MRTFA: variants seen among roughly 807,000 people sequenced by gnomAD.
The protein encoded by MRTFA is myocardin related transcription factor A.
In MRTFA, 20 loss-of-function variants were observed where a neutral mutation model predicts 83.5. The ratio of observed to expected loss-of-function variants is 0.24; its 90% CI spans 0.17 to 0.35. The LOEUF (loss-of-function observed/expected upper bound fraction) is 0.35, where lower values mean the gene tolerates loss of function less well. Ranked by LOEUF, MRTFA falls within the 10% of genes least tolerant of loss-of-function variation. MRTFA has a pLI of 1.00. For missense variants in MRTFA, 1,200 were observed against 1,224.7 expected (o/e 0.98, Z 0.30); for synonymous variants, 659 against 541.2 (o/e 1.22, Z -3.02).
chr22:40,582,657 TACACACATACACAC>T (rs1569339067), intron 2 of MRTFA, among the ~76,000 whole-genome samples: 1 of 143,536 alleles, frequency 7.0e-6, no homozygotes, highest in Non-Finnish European at 1.5e-5. Flanking sequence ...TTTAACTTTA[TACACACATACACAC>T]ACACACACAC....
chr22:40,418,981 T>C lies in MRTFA; in HGVS notation c.1757A>G (p.Gln586Arg). The stretch of plus-strand genomic sequence containing the variant: ...CAGTGGCGAGGCCTGCAGGGTCAGC[T>C]GCGTCAGAGGTGATGTCACCATCTC... The change falls in exon 12 of 15, where the codon CAG (glutamine) becomes CGG (arginine). Residue 586 changes from glutamine (Q) to arginine (R), a missense_variant. Physicochemically the swap from Gln to Arg is conservative, Grantham distance 43. Transcript: ENST00000355630. 6.2e-7 allele frequency: 1 copy of C among 1,612,830 alleles called. No individual in the cohort carries two copies. Among genetic ancestry groups the C allele is most frequent in the Non-Finnish European group, 8.5e-7 (1 of 1,179,926 alleles).
At chr22:40,513,063 G>A (rs2054694114) in intron 3 of MRTFA, among the ~76,000 whole-genome samples, 1 of 152,178 alleles carries the variant, frequency 6.6e-6, no homozygotes, top group Middle Eastern at 3.2e-3. Context: ...CAAGGAGTGA[G>A]TCTGTTTGTG....
chr22:40,562,734 GGGGA>G (rs1440755997), intron 2 of MRTFA, among the ~76,000 whole-genome samples: 4 of 84,872 alleles, frequency 4.7e-5, no homozygotes, highest in Admixed American at 2.3e-4. Flanking sequence ...AGGGGGAAGG[GGGGA>G]AGGGGGAACG....
At chr22:40,556,343 T>G (rs958665422) in intron 2 of MRTFA, among the ~76,000 whole-genome samples, 1 of 152,138 alleles carries the variant, frequency 6.6e-6, no homozygotes, top group African/African-American at 2.4e-5. Flanking sequence ...TAACTTCAAG[T>G]AAAGCAATAG....
Position 40,411,858 on chromosome 22 carries a change from C to T in MRTFA, c.2628G>A (p.Lys876=). 1 of 1,490,594 alleles carries T rather than the reference C, an allele frequency of 6.7e-7. No homozygotes were observed. The highest frequency in any genetic ancestry group is 8.9e-7 in the Non-Finnish European group (1 of 1,118,626). 92.3% of individuals were successfully genotyped at this position (1,490,594 alleles called of 1,614,324 possible). ...ACCCACAGACTGTCTTCGGGGATGG[C>T]TTCTCCTTCCCTGGCAGGGATGGCG... The change falls in exon 15 of 15, where the codon AAG becomes AAA. Residue 876 remains lysine, a synonymous_variant. Transcript: ENST00000355630.
intron 2 of MRTFA, among the ~76,000 whole-genome samples, 163 bp from the exon 3 acceptor site, chr22:40,552,530 G>A (rs753902542): frequency 5.3e-4 from 81 of 152,228 alleles, no homozygotes; most frequent in Non-Finnish European, 9.6e-4. Flanking sequence ...GGTTACCTCC[G>A]TGCTATTCTC....
intron 3 of MRTFA, among the ~76,000 whole-genome samples, chr22:40,547,678 C>A (rs1357112688): frequency 6.6e-6 from 1 of 151,578 alleles, no homozygotes; most frequent in Non-Finnish European, 1.5e-5. Flanking sequence ...ATGGTGAAAC[C>A]CCATCTCTAA....
chr22:40,525,803 A>G (rs928091659), intron 3 of MRTFA, among the ~76,000 whole-genome samples: 2 of 152,158 alleles, frequency 1.3e-5, no homozygotes, highest in African/African-American at 4.8e-5. Flanking sequence ...ACAATTATTA[A>G]GTGCTTACAA....
At chr22:40,494,505 C>A (rs969605047) in intron 3 of MRTFA, among the ~76,000 whole-genome samples, 6 of 151,960 alleles carry the variant, frequency 3.9e-5, no homozygotes, top group Admixed American at 2.6e-4. Context: ...TATAGTGAGA[C>A]CTCTTCTCTA....
rs982076790 is a variant in MRTFA at position 40,416,081 on chromosome 22, C to T, written c.2578+905G>A. Among the ~76,000 whole-genome samples the T allele has an allele frequency of 4.6e-5, 7 of 152,326 alleles. No individual in the cohort carries two copies. The highest frequency in any genetic ancestry group is 4.1e-4 in the South Asian group (2 of 4,828). On this transcript the variant is annotated intron_variant, in intron 14 of 14. Coordinates refer to ENST00000355630, the MANE Select transcript of MRTFA (RefSeq NM_020831.6). The surrounding 1 kb of genome is among the most constrained non-coding windows in gnomAD (Gnocchi z 4.2). ...TCCCTGTGAACCCTCCATTCGGTCT[C>T]GTGACACACCCCATCAGGGACCGCG...
At chr22:40,578,665 T>C (rs1480526837) in intron 2 of MRTFA, among the ~76,000 whole-genome samples, 1 of 152,096 alleles carries the variant, frequency 6.6e-6, no homozygotes, top group Non-Finnish European at 1.5e-5. Context: ...GTCACACCTG[T>C]AATCCTAACA....
At chr22:40,498,271 A>ATTTTTTTTTTT in intron 3 of MRTFA, among the ~76,000 whole-genome samples, 1 of 81,650 alleles carries the variant, frequency 1.2e-5, no homozygotes. Context: ...ATATATATAT[A>ATTTTTTTTTTT]TATTTTTTTT....
At chr22:40,511,210 A>G (rs900486218) in intron 3 of MRTFA, among the ~76,000 whole-genome samples, 7 of 152,210 alleles carry the variant, frequency 4.6e-5, no homozygotes, top group African/African-American at 1.7e-4. Context: ...GAGACAAAAT[A>G]TAAGAAGTCA....
At chr22:40,483,530 A>G (rs987534493) in intron 3 of MRTFA, among the ~76,000 whole-genome samples, 4 of 151,364 alleles carry the variant, frequency 2.6e-5, no homozygotes, top group Admixed American at 2.6e-4. Context: ...CTAAAAATAC[A>G]AAAAAGTAGC....
intron 3 of MRTFA, among the ~76,000 whole-genome samples, chr22:40,497,770 G>C (rs2054381085): frequency 6.6e-6 from 1 of 152,000 alleles, no homozygotes; most frequent in Admixed American, 6.6e-5. Flanking sequence ...AAATCGCATG[G>C]GGTAGTAAAT....
intron 3 of MRTFA, among the ~76,000 whole-genome samples, chr22:40,533,151 A>C (rs551610294): frequency 2.0e-5 from 3 of 152,224 alleles, no homozygotes; most frequent in Non-Finnish European, 4.4e-5. Context: ...GATGGTACAG[A>C]AAGGTTATAC....
At chr22:40,522,331 C>G (rs1017506663) in intron 3 of MRTFA, 1 of 152,218 alleles carries the variant, frequency 6.6e-6, no homozygotes, top group Non-Finnish European at 1.5e-5. Context: ...CCCCTCAGCT[C>G]GGAGGGCACA....
At chr22:40,425,599 G>C (rs1451454976) in intron 7 of MRTFA, among the ~76,000 whole-genome samples, 1 of 152,230 alleles carries the variant, frequency 6.6e-6, no homozygotes, top group Non-Finnish European at 1.5e-5. Context: ...GTGGTGGCTT[G>C]CTCCTCTGTC....
intron 2 of MRTFA, among the ~76,000 whole-genome samples, chr22:40,566,068 G>T (rs2055698882): frequency 6.6e-6 from 1 of 152,190 alleles, no homozygotes; most frequent in Admixed American, 6.5e-5. Flanking sequence ...AACAGCATAT[G>T]CAAGTTAAAA....
Sources: gnomAD v4.1 joint callset for allele counts (sites outside exome capture counted in the v4.1 genomes callset) on GRCh38, gnomAD v4.1.1 for gene constraint, Gnocchi (gnomAD v3.1) non-coding constraint, MANE v1.5 for transcripts, NCBI Gene and HGNC (gene_info 2026-07-23, HGNC 2026-07-21) for gene names.